The following MTUS2 variants were observed in gnomAD, a reference collection of about 807,000 sequenced individuals.
MTUS2 encodes microtubule-associated tumor suppressor candidate 2.
In MTUS2, 40 loss-of-function variants were observed where a neutral mutation model predicts 114.1. The ratio of observed to expected loss-of-function variants is 0.35; its 90% confidence interval spans 0.27 to 0.46. MTUS2 has a LOEUF of 0.46. MTUS2 is among the 20% of genes least tolerant of loss of function. The probability of loss-of-function intolerance (pLI) is 1.00; values close to 1 mark genes in which losing one functional copy is unlikely to be tolerated. For synonymous variants in MTUS2, 688 were observed against 672.0 expected, an observed-to-expected ratio of 1.02 and a Z score of -0.37; for missense variants, 1,679 against 1,705.4, an observed-to-expected ratio of 0.98 and a Z score of 0.27.
At chr13:29,034,981 T>C (rs1403051477) in intron 4 of MTUS2, among the ~76,000 whole-genome samples, 1 of 152,198 alleles carries the variant, frequency 6.6e-6, no homozygotes, top group African/African-American at 2.4e-5. Flanking sequence ...AAAAATAATC[T>C]TAGTTGAGTT....
At chr13:29,293,834 A>G (rs1898822446) in intron 6 of MTUS2, among the ~76,000 whole-genome samples, 1 of 152,154 alleles carries the variant, frequency 6.6e-6, no homozygotes, top group Non-Finnish European at 1.5e-5. Context: ...ATAGAACACA[A>G]TCTCATTATT....
intron 5 of MTUS2, among the ~76,000 whole-genome samples, chr13:29,234,620 C>T (rs1281616610): frequency 6.6e-6 from 1 of 152,172 alleles, no homozygotes; most frequent in African/African-American, 2.4e-5. Flanking sequence ...GAAAAAAACT[C>T]CTTTTTTTCT....
intron 5 of MTUS2, among the ~76,000 whole-genome samples, chr13:29,201,825 A>G (rs1488204035): frequency 6.6e-6 from 1 of 152,168 alleles, no homozygotes; most frequent in Non-Finnish European, 1.5e-5. Context: ...AATGTTGAAT[A>G]TTGGCCCCCA....
chr13:29,090,089 G>A (rs930639244), intron 4 of MTUS2, among the ~76,000 whole-genome samples: 9 of 152,100 alleles, frequency 5.9e-5, no homozygotes, highest in Non-Finnish European at 1.2e-4. Context: ...TAAAGTTGCT[G>A]TTTTTTGGGT....
chr13:29,375,433 CGCAA>C (rs1871523985), intron 8 of MTUS2, among the ~76,000 whole-genome samples: 1 of 120,558 alleles, frequency 8.3e-6, no homozygotes, highest in Non-Finnish European at 1.8e-5. Flanking sequence ...TGGCAAAAAC[CGCAA>C]TTACTTACTT....
At chr13:28,917,685 G>A (rs933225852) in intron 2 of MTUS2, among the ~76,000 whole-genome samples, 53 of 150,744 alleles carry the variant, frequency 3.5e-4, no homozygotes, top group African/African-American at 1.2e-3. Context: ...ATTTTATTTC[G>A]TTGTTCTTTT....
chr13:29,481,360 C>T (rs1881159495), intron 10 of MTUS2, among the ~76,000 whole-genome samples: 1 of 152,070 alleles, frequency 6.6e-6, no homozygotes, highest in Non-Finnish European at 1.5e-5. Context: ...TCAGTGTACC[C>T]CCCACCACCA....
intron 2 of MTUS2, among the ~76,000 whole-genome samples, chr13:28,934,460 T>G (rs182136431): frequency 1.3e-5 from 2 of 150,740 alleles, no homozygotes; most frequent in Admixed American, 1.3e-4. Context: ...TTACTTTATT[T>G]TTATTTTTTT....
At position 29,383,244 on chromosome 13, in the gene MTUS2, G is replaced by GTATATATATATATATATTTATTTATT. The variant is rs1295576309; in HGVS notation, c.3117+23772_3117+23773insATATATATATATATATTTATTTATTT. On this transcript the variant is annotated intron_variant, in intron 8 of 15. Coordinates refer to ENST00000612955, the MANE Select transcript of MTUS2 (RefSeq NM_001033602.4). ...TGTGTGTGTGTGTGTGTGTGTGTGT[G>GTATATATATATATATATTTATTTATT]TGTGTGTGTATTTATTTTTCTCATG... 1.3e-3 allele frequency among the ~76,000 whole-genome samples: 67 copies of GTATATATATATATATATTTATTTATT among 53,534 alleles called. 2 individuals carry two copies. In the Middle Eastern group the frequency reaches 0.028, roughly 22 times the overall value. 35.1% of individuals were successfully genotyped at this position (53,534 alleles called of 152,430 possible).
At chr13:29,018,428 G>A (rs945470684) in intron 2 of MTUS2, among the ~76,000 whole-genome samples, 4 of 152,172 alleles carry the variant, frequency 2.6e-5, no homozygotes, top group Admixed American at 2.6e-4. Context: ...AATGGATGAA[G>A]AAATTCTATA....
chr13:29,343,966 G>T (rs1342732396), intron 7 of MTUS2, among the ~76,000 whole-genome samples: 4 of 152,022 alleles, frequency 2.6e-5, no homozygotes, highest in Non-Finnish European at 4.4e-5. Context: ...TGCTTTTGAG[G>T]GTTCCTTTTG....
chr13:28,821,182 T>C (rs973184205), intron 1 of MTUS2, among the ~76,000 whole-genome samples: 5 of 152,210 alleles, frequency 3.3e-5, no homozygotes, highest in African/African-American at 1.2e-4. Context: ...GGTAAAGTTA[T>C]GTGTGATTAC....
chr13:28,967,567 A>G (rs556078642), intron 2 of MTUS2, among the ~76,000 whole-genome samples: 2 of 152,202 alleles, frequency 1.3e-5, no homozygotes, highest in African/African-American at 2.4e-5. Context: ...AAAAGCTTCT[A>G]TCAAGTTGTT....
At chr13:28,909,766 A>T (rs560569451) in intron 2 of MTUS2, among the ~76,000 whole-genome samples, 181 of 152,332 alleles carry the variant, frequency 1.2e-3, no homozygotes, top group African/African-American at 4.2e-3. Context: ...TCATGATTGT[A>T]CATCTAGGAA....
At chr13:29,258,259 C>T (rs1397902359) in intron 5 of MTUS2, among the ~76,000 whole-genome samples, 1 of 152,118 alleles carries the variant, frequency 6.6e-6, no homozygotes, top group Non-Finnish European at 1.5e-5. Flanking sequence ...ACTGAGGTAC[C>T]CTTTGCTTGC....
At chr13:28,847,438 A>G (rs1276463982) in intron 2 of MTUS2, among the ~76,000 whole-genome samples, 1 of 151,952 alleles carries the variant, frequency 6.6e-6, no homozygotes, top group African/African-American at 2.4e-5. Context: ...AGGCAAGAGG[A>G]TCTCTAGAAA....
At position 29,497,513 on chromosome 13, in the gene MTUS2, GAGAC is replaced by G; in HGVS notation, c.3678+184_3678+187del. The G allele has an allele frequency of 9.8e-6, 6 of 611,280 alleles. No homozygotes were observed. The South Asian group carries it at 1.2e-4, about 12-fold the overall frequency. 37.9% of individuals were successfully genotyped at this position (611,280 alleles called of 1,614,324 possible). On this transcript the variant is annotated intron_variant, in intron 13 of 15. Transcript: ENST00000612955. Reference sequence around the variant, plus strand: ...CAATTCCTGTCAGCAGCTCTCCCCTGAGACAGACAGCAGCTGTGGGTTTCTCCAG... The same window carrying G: ...CAATTCCTGTCAGCAGCTCTCCCCTGAGACAGCAGCTGTGGGTTTCTCCAG...
chr13:29,307,877 T>G, intron 6 of MTUS2: 1 of 563,918 alleles, frequency 1.8e-6, no homozygotes, highest in Non-Finnish European at 3.2e-6. Context: ...ACACTGAGAA[T>G]CCCCCCTCCT....
intron 5 of MTUS2, among the ~76,000 whole-genome samples, chr13:29,173,339 C>T (rs1893639600): frequency 1.3e-5 from 2 of 152,106 alleles, no homozygotes; most frequent in Non-Finnish European, 2.9e-5. Context: ...TCTCCAATCA[C>T]TTGTTTCGAT....
Sources: gnomAD v4.1 joint callset for allele counts (sites outside exome capture counted in the v4.1 genomes callset) on GRCh38, gnomAD v4.1.1 for gene constraint, MANE v1.5 for transcripts, NCBI Gene and HGNC (gene_info 2026-07-23, HGNC 2026-07-21) for gene names.